CASP5: variants seen among roughly 807,000 people sequenced by gnomAD.
The protein encoded by CASP5 is caspase 5, also known as caspase-5.
In CASP5, 42 loss-of-function variants were observed where a neutral mutation model predicts 45.2. That is an observed-to-expected ratio of 0.93 (90% CI 0.73 to 1.20). CASP5 has a LOEUF of 1.20. CASP5 is among the 50% of genes most tolerant of loss of function. CASP5 has a pLI of 0.00. For missense variants in CASP5, 512 were observed against 532.2 expected (o/e 0.96, Z 0.37); for synonymous variants, 209 against 186.2 (o/e 1.12, Z -1.00).
chr11:105,009,336 T>C lies in CASP5; in HGVS notation c.8-356A>G, dbSNP rs901305003. On this transcript the variant is annotated intron_variant, in intron 1 of 9. Coordinates refer to ENST00000260315, the MANE Select transcript of CASP5 (RefSeq NM_004347.5). Reference sequence around the variant, plus strand: ...AAGTGTGTGCACCCAGGACAGTCCATTCTCTTGTCTAGACTGTAAATTATT... The same window carrying C: ...AAGTGTGTGCACCCAGGACAGTCCACTCTCTTGTCTAGACTGTAAATTATT... Among the ~76,000 whole-genome samples the C allele has an allele frequency of 3.3e-5, 5 of 152,004 alleles. No individual in the cohort carries two copies. In the East Asian group the frequency reaches 5.8e-4, roughly 18 times the overall value.
At chr11:105,007,852 A>G (rs1862086160) in intron 2 of CASP5, among the ~76,000 whole-genome samples, 1 of 152,154 alleles carries the variant, frequency 6.6e-6, no homozygotes, top group African/African-American at 2.4e-5. Context: ...CTTTGTGCCC[A>G]AAATGCTTAA....
chr11:105,007,313 G>GTTT lies in CASP5; in HGVS notation c.200_202dup (p.Lys67dup). On this transcript the variant is annotated inframe_insertion, in exon 3 of 10. Transcript: ENST00000260315. ...GCCCAGGTATTCCAACATCTTAACT[G>GTTT]TTTTTTTTTTGTGGTTGTCTTCTGT... 6 of 1,324,830 alleles carry GTTT rather than the reference G, an allele frequency of 4.5e-6. No homozygotes were observed. The African/African-American group carries it at 6.0e-5, about 13-fold the overall frequency. The allele number at this position is 1,324,830 out of a possible 1,614,324, so 82.1% of individuals were successfully genotyped here.
At chr11:104,999,604 G>A (rs1861626406) in intron 6 of CASP5, among the ~76,000 whole-genome samples, 1 of 151,980 alleles carries the variant, frequency 6.6e-6, no homozygotes, top group African/African-American at 2.4e-5. Flanking sequence ...CCACACACAT[G>A]CAAACACACA....
At chr11:105,009,766 C>CGT (rs1565388094) in intron 1 of CASP5, among the ~76,000 whole-genome samples, 6 of 78,678 alleles carry the variant, frequency 7.6e-5, no homozygotes, top group African/African-American at 2.7e-4. Flanking sequence ...TATACACACA[C>CGT]ACACGTATAT....
intron 8 of CASP5, 120 bp from the exon 9 acceptor site, chr11:104,995,962 A>G (rs1438047938): frequency 6.4e-6 from 4 of 621,812 alleles, no homozygotes; most frequent in African/African-American, 5.5e-5. Flanking sequence ...GACCAAGCCC[A>G]TGGATATTCC....
At chr11:105,018,314 T>G (rs1460289692) in intron 1 of CASP5, among the ~76,000 whole-genome samples, 1 of 150,632 alleles carries the variant, frequency 6.6e-6, no homozygotes, top group African/African-American at 2.4e-5. Context: ...CAATATTAAC[T>G]TTAAATGTAA....
rs11601305 is a variant in CASP5, at chr11:104,995,922, C to T, written c.1207-80G>A. The T allele has an allele frequency of 6.1e-5, 54 of 884,276 alleles. No homozygotes were observed. In the African/African-American group the frequency reaches 7.3e-4, roughly 12 times the overall value. The allele number at this position is 884,276 out of a possible 1,614,324, so 54.8% of individuals were successfully genotyped here. On this transcript the variant is annotated intron_variant, in intron 8 of 9. Transcript: ENST00000260315. ...TCTTACACCATGAACCAGGAAATGCCTGAATGAAGAGAGCTTCCAGGGTTG... is the reference window on the plus strand; with the variant it reads ...TCTTACACCATGAACCAGGAAATGCTTGAATGAAGAGAGCTTCCAGGGTTG...
intron 8 of CASP5, among the ~76,000 whole-genome samples, 196 bp from the exon 9 acceptor site, chr11:104,996,038 T>C (rs897521157): frequency 6.6e-6 from 1 of 152,166 alleles, no homozygotes; most frequent in Non-Finnish European, 1.5e-5. Flanking sequence ...ACACTTTACA[T>C]CAAAATAAAC....
intron 1 of CASP5, among the ~76,000 whole-genome samples, 166 bp downstream of exon 1, chr11:105,022,964 C>T (rs1320398398): frequency 2.7e-5 from 4 of 147,430 alleles, no homozygotes; most frequent in East Asian, 1.9e-4. Context: ...AGTGTCTCTA[C>T]ACAGTCTCAG....
At chr11:105,016,606 TA>T (rs201530234) in intron 1 of CASP5, among the ~76,000 whole-genome samples, 11,369 of 152,198 alleles carry the variant, frequency 0.075, 579 homozygotes, top group Non-Finnish European at 0.11. Flanking sequence ...CCAACCGGCT[TA>T]AAAAATGGCG....
At chr11:105,009,720 C>CACACAT (rs1376205553) in intron 1 of CASP5, among the ~76,000 whole-genome samples, 2 of 64,064 alleles carry the variant, frequency 3.1e-5, no homozygotes, top group African/African-American at 5.1e-5. Flanking sequence ...TATATACACA[C>CACACAT]ATATATATAT....
In CASP5 at chr11:105,002,063, A is replaced by G; in HGVS notation, c.682T>C (p.Tyr228His). ...GMKRLLQGLGYTVVDEKNLTA... is the reference protein window; with the variant it reads ...GMKRLLQGLGHTVVDEKNLTA... ...AGATTCTTTTCGTCAACCACAGTGT[A>G]GCCCAGGCCTTGAAGCAGCCTTTTC... Residue 228 changes from tyrosine (Y) to histidine (H), a missense_variant, in exon 5 of 10, where the codon TAC becomes CAC. By Grantham distance (83) the Tyr-to-His change is moderately conservative. Transcript: ENST00000260315. 6.2e-7 allele frequency: 1 copy of G among 1,614,166 alleles called. No homozygotes were observed. The highest frequency in any genetic ancestry group is 1.1e-5 in the South Asian group (1 of 91,084).
intron 5 of CASP5, among the ~76,000 whole-genome samples, chr11:105,001,383 TG>T (rs1195159158): frequency 9.2e-5 from 14 of 152,320 alleles, no homozygotes; most frequent in African/African-American, 2.9e-4. Context: ...AGTGCATTCC[TG>T]GGCCGGGTGC....
At chr11:105,016,200 G>T (rs1467361002) in intron 1 of CASP5, among the ~76,000 whole-genome samples, 2 of 152,150 alleles carry the variant, frequency 1.3e-5, no homozygotes, top group Non-Finnish European at 2.9e-5. Context: ...ATTGTCTGCA[G>T]ATCTTTAAAG....
chr11:105,012,690 A>T (rs192352914), intron 1 of CASP5, among the ~76,000 whole-genome samples: 1 of 151,980 alleles, frequency 6.6e-6, no homozygotes, highest in East Asian at 1.9e-4. Flanking sequence ...CACCAGGGAC[A>T]TTAAAACCAC....
At chr11:105,013,647 T>C (rs1862455804) in intron 1 of CASP5, among the ~76,000 whole-genome samples, 1 of 152,058 alleles carries the variant, frequency 6.6e-6, no homozygotes, top group South Asian at 2.1e-4. Context: ...AAATAATAAA[T>C]AAATGACTCA....
At chr11:105,008,205 A>T (rs1591165314) in intron 2 of CASP5, among the ~76,000 whole-genome samples, 1 of 152,192 alleles carries the variant, frequency 6.6e-6, no homozygotes, top group East Asian at 1.9e-4. Context: ...TTAAAGTTGG[A>T]ACAAATTTGT....
rs144373473 is a variant in CASP5, at chr11:104,999,579, T to C, written c.953-551A>G. ...TCAGTGTTCTTTCTAACTAATTTCA[T>C]ACATACATACAGACCCACACACATG... On this transcript the variant is annotated intron_variant, in intron 6 of 9. Transcript: ENST00000260315. Among the ~76,000 whole-genome samples the C allele has an allele frequency of 9.9e-5, 15 of 152,240 alleles. No homozygotes were observed. In the East Asian group the frequency reaches 2.9e-3, roughly 29 times the overall value.
intron 1 of CASP5, among the ~76,000 whole-genome samples, chr11:105,009,944 C>CAT (rs1309661414): frequency 1.2e-4 from 16 of 132,656 alleles, no homozygotes; most frequent in South Asian, 4.7e-4. Flanking sequence ...CACACACACA[C>CAT]ATATATATAT....
Sources: allele counts gnomAD v4.1 joint callset (sites outside exome capture counted in the v4.1 genomes callset), GRCh38; gene constraint gnomAD v4.1.1; transcripts MANE v1.5; gene names NCBI Gene and HGNC (gene_info 2026-07-23, HGNC 2026-07-21).